The following SRCAP variants were observed in gnomAD, a reference collection of about 807,000 sequenced individuals.
SRCAP encodes Snf2 related CREBBP activator protein, also known as chromatin remodeling protein SRCAP.
A neutral mutation model predicts 263.1 loss-of-function variants in SRCAP; 46 were observed. The ratio of observed to expected loss-of-function variants is 0.17; its 90% confidence interval spans 0.14 to 0.22. The LOEUF (loss-of-function observed/expected upper bound fraction) is 0.22. SRCAP is among the 10% of genes least tolerant of loss of function. The probability of loss-of-function intolerance (pLI) is 1.00; values close to 1 mark genes in which losing one functional copy is unlikely to be tolerated. For missense variants in SRCAP, 3,695 were observed against 4,181.9 expected, an observed-to-expected ratio of 0.88 and a Z score of 3.21; for synonymous variants, 1,813 against 1,662.1, an observed-to-expected ratio of 1.09 and a Z score of -2.21.
rs1324080441 is a variant in SRCAP at position 30,722,274 on chromosome 16, C to T, written c.3694C>T (p.Arg1232Cys). 4.3e-6 allele frequency: 7 copies of T among 1,613,610 alleles called. No homozygotes were observed. The highest frequency in any genetic ancestry group is 5.9e-6 in the Non-Finnish European group (7 of 1,179,906). The change falls in exon 22 of 34, where the codon CGC becomes TGC. Residue 1232 changes from arginine to cysteine, a missense_variant. Arg to Cys is a radical substitution (Grantham distance 180). Coordinates refer to ENST00000262518, the MANE Select transcript of SRCAP (RefSeq NM_006662.3). ...GCGCCAGCTTGCTGTGGGGCAGCCC[C>T]GCCCGCTGCAAAGTAGGTAAAACCC... ...QVRQLAVGQPRPLQRNVVHLV... is the reference protein window; with the variant it reads ...QVRQLAVGQPCPLQRNVVHLV...
chr16:30,726,793 C>T (rs573267199), intron 25 of SRCAP, among the ~76,000 whole-genome samples: 1 of 152,282 alleles, frequency 6.6e-6, no homozygotes, highest in African/African-American at 2.4e-5. Flanking sequence ...CTCCACTTCC[C>T]AGGCTCAAAC....
intron 9 of SRCAP, 22 bp from the exon 10 acceptor site, chr16:30,710,977 C>T: frequency 1.2e-6 from 2 of 1,610,060 alleles, no homozygotes; most frequent in Non-Finnish European, 1.7e-6. Flanking sequence ...CCCTATTAAT[C>T]TTGCTTCTGT....
In SRCAP at chr16:30,724,133, C is replaced by T; in HGVS notation, c.4709C>T (p.Ala1570Val). ...GCACCAAATCCAGCTCCAGCTCAGG[C>T]TTCCCTTCTGGCTCCAGCATCTTCT... ...PSAPNPAPAQ[A>V]SLLAPASSAS... Residue 1570 changes from alanine to valine, a missense_variant, in exon 25 of 34, where the codon GCT becomes GTT. This residue lies in a region of SRCAP where 1,347 missense variants were observed against 1,304.4 expected (regional missense o/e 1.03). Coordinates refer to ENST00000262518, the MANE Select transcript of SRCAP (RefSeq NM_006662.3). 1 of 1,614,046 alleles carries T rather than the reference C, an allele frequency of 6.2e-7. No homozygotes were observed. The highest frequency in any genetic ancestry group is 8.5e-7 in the Non-Finnish European group (1 of 1,180,022).
intron 4 of SRCAP, among the ~76,000 whole-genome samples, chr16:30,705,664 G>T (rs551263068): frequency 6.6e-6 from 1 of 151,020 alleles, no homozygotes; most frequent in African/African-American, 2.4e-5. Flanking sequence ...CTCTGAAAGT[G>T]CTGGGATTAC....
intron 16 of SRCAP, among the ~76,000 whole-genome samples, chr16:30,714,353 C>T (rs1225292237): frequency 1.3e-5 from 2 of 151,608 alleles, no homozygotes; most frequent in African/African-American, 4.9e-5. Flanking sequence ...CATGAGCCAC[C>T]GCGCCCGGCC....
At position 30,724,395 on chromosome 16, in the gene SRCAP, A is replaced by G. The variant is rs1338277721; in HGVS notation, c.4971A>G (p.Pro1657=). The part of the protein sequence containing the change: ...PVPAPTPVLA[P]SSTQTMLPAP... ...CAGCTCCAACCCCTGTGTTGGCTCC[A>G]TCATCAACTCAAACTATGCTACCAG... The change falls in exon 25 of 34, where the codon CCA becomes CCG. Residue 1657 remains proline, a synonymous_variant. Coordinates refer to ENST00000262518, the MANE Select transcript of SRCAP (RefSeq NM_006662.3). 6.2e-7 allele frequency: 1 copy of G among 1,614,020 alleles called. No homozygotes were observed. The highest frequency in any genetic ancestry group is 1.7e-5 in the Admixed American group (1 of 60,006).
At position 30,729,446 on chromosome 16, in the gene SRCAP, C is replaced by T. The variant is rs1228499305; in HGVS notation, c.6001C>T (p.Pro2001Ser). 28 of 1,614,076 alleles carry T rather than the reference C, an allele frequency of 1.7e-5. No homozygotes were observed. The highest frequency in any genetic ancestry group is 4.0e-5 in the African/African-American group (3 of 74,932). The change falls in exon 27 of 34, where the codon CCA (proline) becomes TCA (serine). Residue 2001 changes from proline (P) to serine (S), a missense_variant. Around this residue, in one of 12 missense-constraint regions of SRCAP, gnomAD observed 1,347 missense variants for 1,304.4 expected, o/e 1.03. Transcript: ENST00000262518. ...CTGCCACCCACCTCCTTGGCTGGCC[C>T]CACGTCAGGCAGCCTTCCAGGAGCA... ...HACHPPPWLA[P>S]RQAAFQEQLA... is the part of the protein sequence containing the mutation.
At chr16:30,736,897 C>G in intron 33 of SRCAP, 152 bp from the exon 34 acceptor site, 1 of 906,928 alleles carries the variant, frequency 1.1e-6, no homozygotes, top group Non-Finnish European at 1.7e-6. Context: ...TGGTCTTGAA[C>G]TCCTGACCTC....
intron 8 of SRCAP, 61 bp from the exon 9 acceptor site, chr16:30,710,693 T>C: frequency 6.5e-7 from 1 of 1,544,824 alleles, no homozygotes; most frequent in Admixed American, 1.7e-5. Context: ...TTTTCAAGTT[T>C]GTGCCATTCT....
rs977620047 is a variant in SRCAP, at chr16:30,706,627, A to G, written c.307-556A>G. Among the ~76,000 whole-genome samples, 14 of 152,248 alleles carry G rather than the reference A, an allele frequency of 9.2e-5. No homozygotes were observed. In the South Asian group the frequency reaches 2.3e-3, roughly 25 times the overall value. On this transcript the variant is annotated intron_variant, in intron 4 of 33. Transcript: ENST00000262518. ...CGTATAACGTTTCAGTATTTTTTAC[A>G]TAAACATATGCATTTTTACAAAAGT...
In SRCAP at chr16:30,709,936, A is replaced by G. The variant is rs752060705; in HGVS notation, c.942A>G (p.Ala314=). The G allele has an allele frequency of 6.2e-7, 1 of 1,614,230 alleles. No homozygotes were observed. Among genetic ancestry groups the G allele is most frequent in the Admixed American group, 1.7e-5 (1 of 60,030 alleles). The part of the protein sequence containing the change: ...EVEEQQEGND[A]EAQRREIELL... Reference sequence around the variant, plus strand: ...AAGAACAACAGGAAGGCAATGATGCAGAGGCCCAGAGGCGTGAGATTGAGC... The same window carrying G: ...AAGAACAACAGGAAGGCAATGATGCGGAGGCCCAGAGGCGTGAGATTGAGC... Residue 314 remains alanine (A), a synonymous_variant, in exon 8 of 34, where the codon GCA becomes GCG. Transcript: ENST00000262518.
chr16:30,710,948 C>A (rs753010762), intron 9 of SRCAP, 51 bp from the exon 10 acceptor site: 1 of 1,597,634 alleles, frequency 6.3e-7, no homozygotes, highest in Non-Finnish European at 8.6e-7. Flanking sequence ...GGACTGTGTC[C>A]TGTGCCTCTA....
At position 30,721,309 on chromosome 16, in the gene SRCAP, C is replaced by T; in HGVS notation, c.3374C>T (p.Ser1125Phe). The T allele has an allele frequency of 6.2e-7, 1 of 1,614,224 alleles. No individual in the cohort carries two copies. Among genetic ancestry groups the T allele is most frequent in the Non-Finnish European group, 8.5e-7 (1 of 1,180,054 alleles). ...AGCCCAGCCCCACCTCCAGGCTCCT[C>T]TAGCCTGTTGAAGCCCCTGACAGTG... ...RLSPAPPPGS[S>F]SLLKPLTVPP... The change falls in exon 21 of 34, where the codon TCT (serine) becomes TTT (phenylalanine). Residue 1125 changes from serine (S) to phenylalanine (F), a missense_variant. Transcript: ENST00000262518.
In SRCAP at chr16:30,736,361, G is replaced by A; in HGVS notation, c.6891G>A (p.Arg2297=). 1 of 1,613,682 alleles carries A rather than the reference G, an allele frequency of 6.2e-7. No individual in the cohort carries two copies. ...GGGCTGAGGATGAGGAGATGTCCCG[G>A]GCTGAGCAGGAAATTGCTGCCCTCG... is the stretch of plus-strand genomic sequence containing the variant. The part of the protein sequence containing the change: ...RPGAEDEEMS[R]AEQEIAALVE... The change falls in exon 32 of 34, where the codon CGG becomes CGA. Residue 2297 remains arginine (R), a synonymous_variant. Transcript: ENST00000262518.
intron 16 of SRCAP, 100 bp downstream of exon 16, chr16:30,713,811 G>A (rs1463852442): frequency 1.8e-6 from 2 of 1,123,082 alleles, no homozygotes; most frequent in South Asian, 1.5e-5. Context: ...AGGGAAGTCA[G>A]TGCCAGGCTA....
At position 30,721,419 on chromosome 16, in the gene SRCAP, C is replaced by T. The variant is rs753700157; in HGVS notation, c.3484C>T (p.Pro1162Ser). ...TGCTACCACCACAGCAGTGCCAGCT[C>T]CGACTCCTGCACCACAGCGCCTCAT... ...ATATTTAVPAPTPAPQRLILS... is the reference protein window; with the variant it reads ...ATATTTAVPASTPAPQRLILS... Residue 1162 changes from proline (P) to serine (S), a missense_variant, in exon 21 of 34, where the codon CCG (proline) becomes TCG (serine). By Grantham distance (74) the Pro-to-Ser change is moderately conservative (BLOSUM62 -1). This residue lies in a region of SRCAP where 1,347 missense variants were observed against 1,304.4 expected (regional missense o/e 1.03). Transcript: ENST00000262518. 6.8e-6 allele frequency: 11 copies of T among 1,613,322 alleles called. No individual in the cohort carries two copies. In the East Asian group the frequency reaches 2.2e-4, roughly 33 times the overall value.
At chr16:30,708,455 G>A (rs1314503878) in intron 6 of SRCAP, among the ~76,000 whole-genome samples, 1 of 152,042 alleles carries the variant, frequency 6.6e-6, no homozygotes. Context: ...GGGCAGTGGC[G>A]CAATCTTGGC....
In SRCAP at chr16:30,736,392, C is replaced by G; in HGVS notation, c.6922C>G (p.Gln2308Glu). 6.2e-7 allele frequency: 1 copy of G among 1,611,114 alleles called. No homozygotes were observed. The highest frequency in any genetic ancestry group is 8.5e-7 in the Non-Finnish European group (1 of 1,178,082). Residue 2308 changes from glutamine (Q) to glutamate (E), a missense_variant and splice_region_variant, in exon 32 of 34, where the codon CAG becomes GAG. By Grantham distance (29) the Gln-to-Glu change is conservative. Coordinates refer to ENST00000262518, the MANE Select transcript of SRCAP (RefSeq NM_006662.3). ...GCAGGAAATTGCTGCCCTCGTAGAA[C>G]AGGTCAGTGCTGGACCCACTAGTTC... ...AEQEIAALVEQLTPIERYAMK... is the reference protein window; with the variant it reads ...AEQEIAALVEELTPIERYAMK...
In SRCAP at chr16:30,734,579, G is replaced by A. The variant is rs1272244985; in HGVS notation, c.6693G>A (p.Glu2231=). 6.2e-7 allele frequency: 1 copy of A among 1,614,086 alleles called. No homozygotes were observed. Among genetic ancestry groups the A allele is most frequent in the East Asian group, 2.2e-5 (1 of 44,870 alleles). Residue 2231 remains glutamate, a synonymous_variant, in exon 31 of 34, where the codon GAG becomes GAA. Coordinates refer to ENST00000262518, the MANE Select transcript of SRCAP (RefSeq NM_006662.3). Reference sequence around the variant, plus strand: ...CCTCTGCCCCTGAAGAGGAGGAAGAGACTGTGGCCAGCAAGCAGACTCATA... The same window carrying A: ...CCTCTGCCCCTGAAGAGGAGGAAGAAACTGTGGCCAGCAAGCAGACTCATA... ...SVPSAPEEEE[E]TVASKQTHIL...
Sources: allele counts gnomAD v4.1 joint callset (sites outside exome capture counted in the v4.1 genomes callset), GRCh38; gene constraint gnomAD v4.1.1; regional missense constraint gnomAD v4.1.1; transcripts MANE v1.5; gene names NCBI Gene and HGNC (gene_info 2026-07-23, HGNC 2026-07-21).